Variants in C2orf66 observed in about 807,000 individuals in gnomAD.
C2orf66 encodes uncharacterized protein C2orf66.
Under a neutral mutation model 7.0 loss-of-function variants are expected in C2orf66, and 6 were observed. That is an observed-to-expected ratio of 0.86 (90% CI 0.47 to 1.69). The LOEUF (loss-of-function observed/expected upper bound fraction) is 1.69. Ranked by LOEUF, C2orf66 falls within the 40% of genes most tolerant of loss-of-function variation. The pLI is 0.01. For missense variants in C2orf66, 107 were observed against 112.0 expected, an observed-to-expected ratio of 0.96 and a Z score of 0.20; for synonymous variants, 38 against 43.8, an observed-to-expected ratio of 0.87 and a Z score of 0.52.
At chr2:196,809,912 A>G (rs776410049), upstream of C2orf66, 1 of 152,276 alleles carries the variant, frequency 6.6e-6, no homozygotes, top group Non-Finnish European at 1.5e-5. Flanking sequence ...AAAGCTTACC[A>G]GGAGTTTGGT....
At chr2:196,809,381 T>C, upstream of C2orf66, 1 of 1,610,900 alleles carries the variant, frequency 6.2e-7, no homozygotes, top group Non-Finnish European at 8.5e-7. Context: ...GAGCTGTCAA[T>C]GATCATTGAG....
chr2:196,830,289 A>G, the C2orf66 span, among the ~76,000 whole-genome samples: 1 of 152,178 alleles, frequency 6.6e-6, no homozygotes. Context: ...AAATTTCTGG[A>G]GTGACCTGAA....
chr2:196,827,242 A>C, the C2orf66 span, among the ~76,000 whole-genome samples: 1 of 150,330 alleles, frequency 6.7e-6, no homozygotes. Context: ...CTGTCTCAAA[A>C]AAAAAAAAAA....
upstream of C2orf66, chr2:196,809,655 T>C (rs1699855863): frequency 3.7e-6 from 1 of 271,198 alleles, no homozygotes; most frequent in African/African-American, 2.2e-5. Context: ...AAGTACTTTG[T>C]TGTCTCCAAA....
At chr2:196,812,161 C>T (rs570804411), upstream of C2orf66, among the ~76,000 whole-genome samples, 77 of 152,220 alleles carry the variant, frequency 5.1e-4, 1 homozygote, top group Non-Finnish European at 8.1e-4. Flanking sequence ...TAAATGTCAA[C>T]GGTTAGGTGA....
chr2:196,813,370 G>A (rs1270293252), upstream of C2orf66, among the ~76,000 whole-genome samples: 2 of 152,192 alleles, frequency 1.3e-5, no homozygotes, highest in Non-Finnish European at 2.9e-5. Context: ...AAACTGGCTA[G>A]CCATATGTAG....
chr2:196,818,511 A>G, the C2orf66 span, among the ~76,000 whole-genome samples: 1 of 152,180 alleles, frequency 6.6e-6, no homozygotes, highest in Non-Finnish European at 1.5e-5. Context: ...AGTAAGAGAG[A>G]GCCAGCCAAT....
At chr2:196,805,831 C>A (rs188658710) in intron 2 of C2orf66, among the ~76,000 whole-genome samples, 2 of 152,310 alleles carry the variant, frequency 1.3e-5, no homozygotes, top group Admixed American at 1.3e-4. Context: ...AATAACTATT[C>A]TCTGATACCC....
chr2:196,821,169 C>G, the C2orf66 span, among the ~76,000 whole-genome samples: 1 of 152,190 alleles, frequency 6.6e-6, no homozygotes, highest in South Asian at 2.1e-4. Context: ...CCAACAGAAG[C>G]TGGAAGAGGA....
the C2orf66 span, among the ~76,000 whole-genome samples, chr2:196,831,509 G>C: frequency 6.6e-6 from 1 of 152,116 alleles, no homozygotes; most frequent in Non-Finnish European, 1.5e-5. Flanking sequence ...AATCAGGTGG[G>C]ATGTATCTCC....
At chr2:196,812,934 CACAA>C (rs1368948206), upstream of C2orf66, among the ~76,000 whole-genome samples, 3 of 152,064 alleles carry the variant, frequency 2.0e-5, no homozygotes, top group African/African-American at 7.2e-5. Context: ...TAAGAGAGGA[CACAA>C]ACAAATGGAA....
At chr2:196,831,898 A>AC in the C2orf66 span, 2 of 151,804 alleles carry the variant, frequency 1.3e-5, no homozygotes, top group East Asian at 1.9e-4. Flanking sequence ...TTATGGGCTG[A>AC]CCCCTCCTCT....
At chr2:196,827,778 A>G in the C2orf66 span, among the ~76,000 whole-genome samples, 1 of 152,176 alleles carries the variant, frequency 6.6e-6, no homozygotes, top group Admixed American at 6.5e-5. Flanking sequence ...AAGCATGGTG[A>G]TTGTCTTTTG....
chr2:196,808,530 C>A (rs1435778997), intron 1 of C2orf66, among the ~76,000 whole-genome samples: 1 of 152,196 alleles, frequency 6.6e-6, no homozygotes, highest in African/African-American at 2.4e-5. Flanking sequence ...CTGTCTGGAC[C>A]AGATCCTGTT....
At chr2:196,825,848 G>A in the C2orf66 span, among the ~76,000 whole-genome samples, 1 of 152,270 alleles carries the variant, frequency 6.6e-6, no homozygotes, top group Admixed American at 6.5e-5. Context: ...GGAGATACCC[G>A]AAGAGAACAG....
chr2:196,817,230 C>CTTTTTTTT, the C2orf66 span, among the ~76,000 whole-genome samples: 2 of 111,706 alleles, frequency 1.8e-5, no homozygotes, highest in Non-Finnish European at 3.6e-5. Context: ...CAAGTATTGT[C>CTTTTTTTT]TTTTTTTTTT....
At chr2:196,829,080 TACAC>T in the C2orf66 span, among the ~76,000 whole-genome samples, 163 of 152,268 alleles carry the variant, frequency 1.1e-3, no homozygotes, top group East Asian at 0.019. Context: ...TATATATACA[TACAC>T]ACACGCACAT....
chr2:196,810,606 T>G (rs554130884), upstream of C2orf66, among the ~76,000 whole-genome samples: 11 of 152,342 alleles, frequency 7.2e-5, no homozygotes, highest in African/African-American at 2.6e-4. Flanking sequence ...GTGACGTTGC[T>G]TTGGTTCCAA....
At chr2:196,810,086 A>T (rs2125758778), upstream of C2orf66, 1 of 152,344 alleles carries the variant, frequency 6.6e-6, no homozygotes, top group East Asian at 1.9e-4. Context: ...TGAGAGTCAG[A>T]TCTTCAAGCT....
Sources: gnomAD v4.1 joint callset for allele counts (sites outside exome capture counted in the v4.1 genomes callset) on GRCh38, gnomAD v4.1.1 for gene constraint, MANE v1.5 for transcripts, NCBI Gene and HGNC (gene_info 2026-07-23, HGNC 2026-07-21) for gene names.